WDR36: variants seen among roughly 807,000 people sequenced by gnomAD.
The protein encoded by WDR36 is WD repeat-containing protein 36.
WDR36 carries 63 observed loss-of-function variants against 112.7 expected under a neutral mutation model. The ratio of observed to expected loss-of-function variants is 0.56; its 90% confidence interval spans 0.46 to 0.69. The LOEUF (loss-of-function observed/expected upper bound fraction) is 0.69, where lower values mean the gene tolerates loss of function less well. Among genes scored for constraint, WDR36 ranks in the 30% least tolerant of loss-of-function variants. The pLI, the probability that WDR36 is intolerant of heterozygous loss-of-function variation, is 0.00. For synonymous variants in WDR36, 410 were observed against 362.2 expected (o/e 1.13, Z -1.50); for missense variants, 1,226 against 1,070.3 (o/e 1.15, Z -2.03).
intron 16 of WDR36, among the ~76,000 whole-genome samples, chr5:111,116,265 G>C (rs549316591): frequency 6.6e-6 from 1 of 151,908 alleles, no homozygotes; most frequent in South Asian, 2.1e-4. Context: ...AGTTCTTTGA[G>C]GGGTGAGAAA....
chr5:111,110,745 T>A (rs770854498), intron 13 of WDR36, 43 bp from the exon 14 acceptor site: 11 of 1,588,458 alleles, frequency 6.9e-6, no homozygotes, highest in Non-Finnish European at 9.5e-6. Context: ...AGAGAAACAC[T>A]GCCAATTCTG....
chr5:111,104,605 T>C, intron 8 of WDR36, 92 bp from the exon 9 acceptor site: 8 of 1,590,044 alleles, frequency 5.0e-6, no homozygotes, highest in Non-Finnish European at 1.7e-6. Context: ...CAAGCACTAC[T>C]CAATACCAGT....
chr5:111,113,889 G>T (rs1049447089), intron 16 of WDR36, among the ~76,000 whole-genome samples: 1 of 152,088 alleles, frequency 6.6e-6, no homozygotes, highest in Non-Finnish European at 1.5e-5. Context: ...CCATGAATGG[G>T]TTAATCCATT....
intron 12 of WDR36, 59 bp from the exon 13 acceptor site, chr5:111,110,130 G>T: frequency 8.4e-7 from 1 of 1,195,206 alleles, no homozygotes; most frequent in Non-Finnish European, 1.2e-6. Context: ...GCTTTGGAAA[G>T]CATAAAGTGC....
intron 16 of WDR36, among the ~76,000 whole-genome samples, chr5:111,115,384 C>A (rs1355968544): frequency 6.6e-6 from 1 of 152,122 alleles, no homozygotes; most frequent in South Asian, 2.1e-4. Context: ...GTTGTAGGTA[C>A]TATTACTGTT....
chr5:111,097,397 T>G (rs1478846057), intron 3 of WDR36, among the ~76,000 whole-genome samples: 1 of 152,190 alleles, frequency 6.6e-6, no homozygotes. Context: ...GAGATGAATA[T>G]CAAAATTACT....
At position 111,092,564 on chromosome 5, in the gene WDR36, C is replaced by G. The variant is rs1752888014; in HGVS notation, c.108C>G (p.Leu36=). The G allele has an allele frequency of 1.9e-6, 3 of 1,614,180 alleles. No homozygotes were observed. Among genetic ancestry groups the G allele is most frequent in the Non-Finnish European group, 2.5e-6 (3 of 1,180,036 alleles). The change falls in exon 1 of 23, where the codon CTC becomes CTG. Residue 36 remains leucine (L), a synonymous_variant. Transcript: ENST00000513710. ...CACACGTGGTGCGGTTCAGCGCGCT[C>G]AAGCGCCGGTTCTATGTAACAACCT... ...DIPHVVRFSA[L]KRRFYVTTCV... is the part of the protein sequence containing the mutation.
rs1235494937 is a variant in WDR36 at position 111,107,431 on chromosome 5, A to G, written c.1318A>G (p.Thr440Ala). The G allele has an allele frequency of 2.5e-6, 4 of 1,609,800 alleles. No homozygotes were observed. Among genetic ancestry groups the G allele is most frequent in the Admixed American group, 1.7e-5 (1 of 59,620 alleles). The change falls in exon 12 of 23, where the codon ACT becomes GCT. Residue 440 changes from threonine (T) to alanine (A), a missense_variant. Coordinates refer to ENST00000513710, the MANE Select transcript of WDR36 (RefSeq NM_139281.3). ...KPKELKKDDITATAVDITSCG... is the reference protein window; with the variant it reads ...KPKELKKDDIAATAVDITSCG... ...AAAAGAGTTGAAGAAAGATGACATA[A>G]CTGCAACAGTAAGTGAGCTTGTTTA...
intron 12 of WDR36, 114 bp downstream of exon 12, chr5:111,107,553 T>C: frequency 7.1e-7 from 1 of 1,404,186 alleles, no homozygotes. Context: ...TTTAACATTT[T>C]AAAGCATTGC....
intron 1 of WDR36, among the ~76,000 whole-genome samples, chr5:111,094,102 C>T (rs2079852151): frequency 6.6e-6 from 1 of 152,166 alleles, no homozygotes; most frequent in South Asian, 2.1e-4. Flanking sequence ...ATGACTATGG[C>T]TATATATGCT....
rs374983757 is a variant in WDR36 at position 111,120,851 on chromosome 5, A to C, written c.2003-145A>C. On this transcript the variant is annotated intron_variant, in intron 18 of 22. Coordinates refer to ENST00000513710, the MANE Select transcript of WDR36 (RefSeq NM_139281.3). ...TAGTTAATATGAGAAAATAAGGAAA[A>C]GACAGGGATAAGTAAATGAAATAAA... The C allele has an allele frequency of 2.3e-5, 19 of 815,630 alleles. 1 individual carries two copies. The highest frequency in any genetic ancestry group is 7.9e-5 in the East Asian group (3 of 37,916). 50.5% of individuals were successfully genotyped at this position (815,630 alleles called of 1,614,324 possible). A position where few individuals can be genotyped will look rare whatever the true frequency, so the allele number is the denominator to read the frequency against.
chr5:111,096,644 C>T (rs946005016), intron 2 of WDR36, among the ~76,000 whole-genome samples: 14 of 151,806 alleles, frequency 9.2e-5, no homozygotes, highest in Non-Finnish European at 1.2e-4. Flanking sequence ...GCGGATGTTG[C>T]AGTGTGCCAA....
rs11949868 is a variant in WDR36, at chr5:111,120,201, T to C, written c.1905-295T>C. Among the ~76,000 whole-genome samples, 14,336 of 152,162 alleles carry C rather than the reference T, an allele frequency of 0.094. 722 individuals are homozygous for C. The highest frequency in any genetic ancestry group is 0.23 in the South Asian group (1,124 of 4,822). Reference sequence around the variant, plus strand: ...TAATTTCCTTAAATAAAGGTTGATATATGTCAAAACAATATATGAAATTTA... The same window carrying C: ...TAATTTCCTTAAATAAAGGTTGATACATGTCAAAACAATATATGAAATTTA... On this transcript the variant is annotated intron_variant, in intron 17 of 22. Coordinates refer to ENST00000513710, the MANE Select transcript of WDR36 (RefSeq NM_139281.3).
chr5:111,108,236 T>C (rs192821205), intron 12 of WDR36, among the ~76,000 whole-genome samples: 6 of 151,300 alleles, frequency 4.0e-5, no homozygotes, highest in Admixed American at 1.3e-4. Flanking sequence ...AGAGTTTTTT[T>C]GTTTTGTTTT....
At chr5:111,105,974 A>G in intron 10 of WDR36, 83 bp from the exon 11 acceptor site, 1 of 1,083,068 alleles carries the variant, frequency 9.2e-7, no homozygotes, top group Non-Finnish European at 1.4e-6. Context: ...TTATAGTTAC[A>G]AGACTGATAG....
At position 111,129,058 on chromosome 5, in the gene WDR36, A is replaced by G. The variant is rs898792676; in HGVS notation, c.*2175A>G. 3 of 197,096 alleles carry G rather than the reference A, an allele frequency of 1.5e-5. No homozygotes were observed. Among genetic ancestry groups the G allele is most frequent in the South Asian group, 1.9e-4 (1 of 5,230 alleles). 12.2% of individuals were successfully genotyped at this position (197,096 alleles called of 1,614,324 possible). A position where few individuals can be genotyped will look rare whatever the true frequency, so the allele number is the denominator to read the frequency against. On this transcript the variant is annotated 3_prime_UTR_variant, in exon 23 of 23. Coordinates refer to ENST00000513710, the MANE Select transcript of WDR36 (RefSeq NM_139281.3). ...TATGTATATTATTGTACAACTTGCT[A>G]TTTCTACTTGGGAGTTTTTTATTTT...
intron 16 of WDR36, among the ~76,000 whole-genome samples, chr5:111,118,186 T>C (rs911148145): frequency 6.6e-6 from 1 of 152,194 alleles, no homozygotes; most frequent in African/African-American, 2.4e-5. Context: ...TTATGCTTAA[T>C]GGTCCTACAA....
chr5:111,121,582 C>G (rs888130467), intron 19 of WDR36, among the ~76,000 whole-genome samples: 7 of 152,122 alleles, frequency 4.6e-5, no homozygotes, highest in African/African-American at 1.7e-4. Flanking sequence ...CTGTCAACTA[C>G]TGAAAGATTT....
At chr5:111,092,656 C>G (rs1298572593) in intron 1 of WDR36, 38 bp downstream of exon 1, 11 of 1,586,556 alleles carry the variant, frequency 6.9e-6, no homozygotes, top group Non-Finnish European at 9.4e-6. Context: ...AGGAAAACCA[C>G]CCTCCTTGGC....
Sources: gnomAD v4.1 joint callset for allele counts (sites outside exome capture counted in the v4.1 genomes callset) on GRCh38, gnomAD v4.1.1 for gene constraint, MANE v1.5 for transcripts, NCBI Gene and HGNC (gene_info 2026-07-23, HGNC 2026-07-21) for gene names.